Variants in MCPH1 observed in about 807,000 individuals in gnomAD.
MCPH1 encodes microcephalin.
A neutral mutation model predicts 84.5 loss-of-function variants in MCPH1; 104 were observed. The ratio of observed to expected loss-of-function variants is 1.23; its 90% CI spans 1.05 to 1.45. The LOEUF (loss-of-function observed/expected upper bound fraction) is 1.45. MCPH1 is among the 40% of genes most tolerant of loss of function. MCPH1 has a pLI of 0.00. For synonymous variants in MCPH1, 514 were observed against 366.8 expected, an observed-to-expected ratio of 1.40 and a Z score of -4.58; for missense variants, 1,498 against 1,005.7, an observed-to-expected ratio of 1.49 and a Z score of -6.62.
intron 12 of MCPH1, among the ~76,000 whole-genome samples, chr8:6,554,676 A>G (rs1274806185): frequency 6.6e-6 from 1 of 152,226 alleles, no homozygotes. Context: ...AAAATAATTC[A>G]CAGACATGTG....
At chr8:6,635,825 G>C (rs533127428) in intron 13 of MCPH1, among the ~76,000 whole-genome samples, 12 of 152,232 alleles carry the variant, frequency 7.9e-5, no homozygotes, top group African/African-American at 2.4e-4. Flanking sequence ...CGTAAGCTTT[G>C]AATCAAAGCA....
chr8:6,483,201 C>G (rs977343097), intron 11 of MCPH1, among the ~76,000 whole-genome samples: 1 of 152,182 alleles, frequency 6.6e-6, no homozygotes, highest in Non-Finnish European at 1.5e-5. Flanking sequence ...AAAAGACATA[C>G]AATGTTCATG....
chr8:6,538,819 C>T (rs1373636515), intron 12 of MCPH1, among the ~76,000 whole-genome samples: 1 of 152,200 alleles, frequency 6.6e-6, no homozygotes, highest in Non-Finnish European at 1.5e-5. Context: ...TACATATACA[C>T]CCTAGTAACA....
chr8:6,597,482 C>A (rs1829018554), intron 12 of MCPH1, among the ~76,000 whole-genome samples: 1 of 152,112 alleles, frequency 6.6e-6, no homozygotes, highest in African/African-American at 2.4e-5. Flanking sequence ...ATTGGAAATA[C>A]CGAAGACTGT....
At chr8:6,510,667 A>T (rs555130705) in intron 12 of MCPH1, among the ~76,000 whole-genome samples, 1 of 152,308 alleles carries the variant, frequency 6.6e-6, no homozygotes, top group East Asian at 1.9e-4. Flanking sequence ...TCATGGAGGT[A>T]GGATTTGCAC....
intron 12 of MCPH1, among the ~76,000 whole-genome samples, chr8:6,545,028 C>T (rs889618495): frequency 2.0e-5 from 3 of 152,106 alleles, no homozygotes; most frequent in African/African-American, 7.2e-5. Context: ...CATAATAGAT[C>T]GCTGTCAAAT....
chr8:6,628,631 C>T (rs1796939094), intron 13 of MCPH1, among the ~76,000 whole-genome samples: 1 of 152,078 alleles, frequency 6.6e-6, no homozygotes. Context: ...TGAAACCAGC[C>T]ATGTATATGC....
chr8:6,492,693 A>T (rs985663580), intron 11 of MCPH1, among the ~76,000 whole-genome samples: 27 of 147,316 alleles, frequency 1.8e-4, no homozygotes, highest in South Asian at 8.4e-4. Context: ...AAAATTTAAA[A>T]TTTTTTTAAA....
rs906917179 is a variant in MCPH1 at position 6,648,285 on chromosome 8, G to A, written c.*5236G>A. On this transcript the variant is annotated 3_prime_UTR_variant, in exon 14 of 14. Coordinates refer to ENST00000344683, the MANE Select transcript of MCPH1 (RefSeq NM_024596.5). ...AGTGGCCAGAAGGTTTTCCATACCT[G>A]AGCCTGCTTCTACCCACTTTTATTT... 6.6e-6 allele frequency: 1 copy of A among 152,238 alleles called. No homozygotes were observed. The highest frequency in any genetic ancestry group is 1.5e-5 in the Non-Finnish European group (1 of 68,074). The allele number at this position is 152,238 out of a possible 1,614,324, so 9.4% of individuals were successfully genotyped here. A position where few individuals can be genotyped will look rare whatever the true frequency, so the allele number is the denominator to read the frequency against.
intron 12 of MCPH1, chr8:6,616,099 T>A (rs925410504): frequency 1.3e-5 from 2 of 152,142 alleles, no homozygotes; most frequent in African/African-American, 2.4e-5. Flanking sequence ...AAATCTAAGG[T>A]GACTTGACTG....
chr8:6,636,993 G>C (rs184511767), intron 13 of MCPH1, among the ~76,000 whole-genome samples: 1 of 152,216 alleles, frequency 6.6e-6, no homozygotes, highest in Non-Finnish European at 1.5e-5. Context: ...AAGTATCAGC[G>C]ATGTGAATGT....
intron 4 of MCPH1, among the ~76,000 whole-genome samples, chr8:6,434,327 C>T (rs1178766642): frequency 6.6e-6 from 1 of 152,168 alleles, no homozygotes; most frequent in Non-Finnish European, 1.5e-5. Flanking sequence ...GCCCCACTGG[C>T]AGAGCCTCCA....
intron 12 of MCPH1, among the ~76,000 whole-genome samples, chr8:6,523,401 A>G (rs1193611418): frequency 6.6e-6 from 1 of 152,232 alleles, no homozygotes; most frequent in African/African-American, 2.4e-5. Flanking sequence ...ATTTCAACTT[A>G]TAAACATACA....
intron 13 of MCPH1, among the ~76,000 whole-genome samples, chr8:6,639,600 C>A (rs1797789987): frequency 6.6e-6 from 1 of 151,464 alleles, no homozygotes; most frequent in Non-Finnish European, 1.5e-5. Flanking sequence ...GAATTCCAGG[C>A]TGCAGTAAGC....
chr8:6,575,306 C>A (rs1039241819), intron 12 of MCPH1, among the ~76,000 whole-genome samples: 5 of 152,116 alleles, frequency 3.3e-5, no homozygotes, highest in African/African-American at 9.7e-5. Context: ...TAAAGCTTAG[C>A]AATGTGGGTT....
At chr8:6,449,692 A>C (rs1563227700) in intron 8 of MCPH1, among the ~76,000 whole-genome samples, 1 of 152,106 alleles carries the variant, frequency 6.6e-6, no homozygotes, top group African/African-American at 2.4e-5. Context: ...TCAGTCTGAA[A>C]AGTGCTGCTG....
chr8:6,431,216 T>TA (rs1342511391), intron 3 of MCPH1, among the ~76,000 whole-genome samples: 1 of 152,232 alleles, frequency 6.6e-6, no homozygotes, highest in African/African-American at 2.4e-5. Flanking sequence ...TACCATGCAC[T>TA]AATAATTTTG....
chr8:6,563,823 C>T (rs371859167), intron 12 of MCPH1, among the ~76,000 whole-genome samples: 16 of 152,078 alleles, frequency 1.1e-4, no homozygotes, highest in African/African-American at 3.9e-4. Flanking sequence ...TATTAAGTCA[C>T]GTTAGAAACA....
At chr8:6,491,400 T>C (rs980644524) in intron 11 of MCPH1, among the ~76,000 whole-genome samples, 2 of 149,116 alleles carry the variant, frequency 1.3e-5, no homozygotes, top group African/African-American at 2.5e-5. Context: ...TTTTAGCTGC[T>C]AAAGATTATT....
Sources: gnomAD v4.1 joint callset for allele counts (sites outside exome capture counted in the v4.1 genomes callset) on GRCh38, gnomAD v4.1.1 for gene constraint, MANE v1.5 for transcripts, NCBI Gene and HGNC (gene_info 2026-07-23, HGNC 2026-07-21) for gene names.